The following SPOCK1 variants were observed in gnomAD, a reference collection of about 807,000 sequenced individuals.
SPOCK1 encodes testican-1.
SPOCK1 carries 23 observed loss-of-function variants against 55.3 expected under a neutral mutation model. The ratio of observed to expected loss-of-function variants is 0.42; its 90% confidence interval spans 0.30 to 0.59. The LOEUF (loss-of-function observed/expected upper bound fraction) is 0.59. SPOCK1 is among the 20% of genes least tolerant of loss of function. SPOCK1 has a pLI of 0.22. For missense variants in SPOCK1, 499 were observed against 552.5 expected (o/e 0.90, Z 0.97); for synonymous variants, 226 against 221.0 (o/e 1.02, Z -0.20).
At chr5:137,069,537 C>T (rs918181451) in intron 5 of SPOCK1, among the ~76,000 whole-genome samples, 3 of 152,138 alleles carry the variant, frequency 2.0e-5, no homozygotes, top group African/African-American at 4.8e-5. Flanking sequence ...GGATGGGGCA[C>T]GAAAGAGGAC....
intron 3 of SPOCK1, among the ~76,000 whole-genome samples, chr5:137,162,435 G>T (rs914477163): frequency 6.6e-6 from 1 of 152,066 alleles, no homozygotes; most frequent in African/African-American, 2.4e-5. Context: ...CACTGCACCT[G>T]GCCTTATAAT....
intron 6 of SPOCK1, among the ~76,000 whole-genome samples, chr5:137,066,370 C>T (rs1171864732): frequency 6.6e-6 from 1 of 152,166 alleles, no homozygotes; most frequent in Non-Finnish European, 1.5e-5. Context: ...AACTCCTGAC[C>T]TCCAGCTATC....
chr5:137,327,680 AG>A (rs1758103277), intron 2 of SPOCK1, among the ~76,000 whole-genome samples: 1 of 152,204 alleles, frequency 6.6e-6, no homozygotes, highest in African/African-American at 2.4e-5. Context: ...CCTCAGACAA[AG>A]CAAATAACCA....
chr5:137,266,429 T>A (rs1756853923), intron 3 of SPOCK1, among the ~76,000 whole-genome samples: 1 of 152,212 alleles, frequency 6.6e-6, no homozygotes, highest in African/African-American at 2.4e-5. Context: ...TTACAACAGC[T>A]ATCATGAGAG....
intron 5 of SPOCK1, among the ~76,000 whole-genome samples, chr5:137,103,798 A>G (rs765514014): frequency 5.3e-5 from 8 of 152,250 alleles, no homozygotes; most frequent in Non-Finnish European, 7.3e-5. Flanking sequence ...TAACAAAACT[A>G]GTACATGAAC....
Position 137,056,903 on chromosome 5 carries a change from G to T in SPOCK1, c.589+10812C>A, listed in dbSNP as rs536955744. Among the ~76,000 whole-genome samples the T allele has an allele frequency of 3.9e-5, 6 of 152,188 alleles. No individual in the cohort carries two copies. In the South Asian group the frequency reaches 1.3e-3, roughly 32 times the overall value. On this transcript the variant is annotated intron_variant, in intron 6 of 10. Transcript: ENST00000394945. ...GACTGCTATGCAACAGGTGGGCTAG[G>T]TTTGTTCATTCAAGATCCTTCTACA... is the stretch of plus-strand genomic sequence containing the variant.
At chr5:137,128,876 A>T (rs950309231) in intron 4 of SPOCK1, among the ~76,000 whole-genome samples, 5 of 152,190 alleles carry the variant, frequency 3.3e-5, no homozygotes, top group African/African-American at 1.2e-4. Flanking sequence ...TCTAGATTAG[A>T]TTATACACAT....
chr5:137,239,338 T>A (rs1756240177), intron 3 of SPOCK1, among the ~76,000 whole-genome samples: 1 of 152,368 alleles, frequency 6.6e-6, no homozygotes, highest in African/African-American at 2.4e-5. Flanking sequence ...GCCCTATGTA[T>A]CTCTTCATCC....
chr5:137,347,643 G>A (rs1462686980), intron 2 of SPOCK1, among the ~76,000 whole-genome samples: 1 of 152,168 alleles, frequency 6.6e-6, no homozygotes, highest in East Asian at 1.9e-4. Flanking sequence ...TTAGAACCTA[G>A]GAGGTGAAGG....
chr5:137,255,868 A>T (rs1756621371), intron 3 of SPOCK1, among the ~76,000 whole-genome samples: 1 of 152,226 alleles, frequency 6.6e-6, no homozygotes, highest in Non-Finnish European at 1.5e-5. Context: ...TGCCTTGGCA[A>T]TGACTGCAAC....
chr5:137,144,118 C>T (rs1325112898), intron 3 of SPOCK1, among the ~76,000 whole-genome samples: 1 of 152,088 alleles, frequency 6.6e-6, no homozygotes, highest in East Asian at 1.9e-4. Flanking sequence ...AGGATGAGGT[C>T]ACCAGCCCTG....
chr5:137,372,914 G>A (rs1751231309), intron 2 of SPOCK1, among the ~76,000 whole-genome samples: 1 of 152,224 alleles, frequency 6.6e-6, no homozygotes, highest in Non-Finnish European at 1.5e-5. Context: ...ACTCTTTGCA[G>A]CTACAGTTTG....
intron 4 of SPOCK1, among the ~76,000 whole-genome samples, chr5:137,113,582 G>A (rs1340061949): frequency 6.6e-6 from 1 of 152,144 alleles, no homozygotes; most frequent in Non-Finnish European, 1.5e-5. Flanking sequence ...ACAAATCTCA[G>A]TTTCTTCATT....
chr5:137,383,587 G>A (rs1009974084), intron 2 of SPOCK1, among the ~76,000 whole-genome samples: 1 of 152,214 alleles, frequency 6.6e-6, no homozygotes, highest in African/African-American at 2.4e-5. Context: ...TAGTTAAGAT[G>A]GAGCTGCAGT....
At chr5:137,243,106 G>A (rs1171211264) in intron 3 of SPOCK1, among the ~76,000 whole-genome samples, 2 of 152,008 alleles carry the variant, frequency 1.3e-5, no homozygotes, top group Non-Finnish European at 2.9e-5. Context: ...ATCTTTTCTG[G>A]GATTATTTTT....
intron 4 of SPOCK1, among the ~76,000 whole-genome samples, chr5:137,121,272 C>T (rs1386803088): frequency 6.6e-6 from 1 of 151,992 alleles, no homozygotes; most frequent in Non-Finnish European, 1.5e-5. Context: ...AAGATGTTAC[C>T]TTAACTGTTT....
intron 3 of SPOCK1, among the ~76,000 whole-genome samples, chr5:137,174,283 C>T (rs1490825943): frequency 1.3e-5 from 2 of 152,224 alleles, no homozygotes; most frequent in African/African-American, 2.4e-5. Flanking sequence ...AATTGCACAT[C>T]TAGCTGAAAT....
intron 2 of SPOCK1, among the ~76,000 whole-genome samples, chr5:137,360,679 G>A (rs1457210850): frequency 6.6e-6 from 1 of 152,196 alleles, no homozygotes; most frequent in East Asian, 1.9e-4. Context: ...ACCACTCACA[G>A]TAACTACTAA....
In SPOCK1 at chr5:137,119,920, C is replaced by A. The variant is rs140149290; in HGVS notation, c.348-7359G>T. Among the ~76,000 whole-genome samples, 47 of 152,318 alleles carry A rather than the reference C, an allele frequency of 3.1e-4. No homozygotes were observed. The East Asian group carries it at 8.1e-3, about 26-fold the overall frequency. ...CAAGCCCTTTATTTGATCTGTCCAT[C>A]TCCTCCTCTCAACATTCCCAAGAGG... On this transcript the variant is annotated intron_variant, in intron 4 of 10. Coordinates refer to ENST00000394945, the MANE Select transcript of SPOCK1 (RefSeq NM_004598.4).
Sources: allele counts gnomAD v4.1 joint callset (sites outside exome capture counted in the v4.1 genomes callset), GRCh38; gene constraint gnomAD v4.1.1; transcripts MANE v1.5; gene names NCBI Gene and HGNC (gene_info 2026-07-23, HGNC 2026-07-21).